KCNU1: variants seen among roughly 807,000 people sequenced by gnomAD.
The protein encoded by KCNU1 is potassium channel subfamily U member 1.
Under a neutral mutation model 126.8 loss-of-function variants are expected in KCNU1, and 93 were observed. The ratio of observed to expected loss-of-function variants is 0.73; its 90% CI spans 0.62 to 0.87. The LOEUF is 0.87. Ranked by LOEUF, KCNU1 falls within the 40% of genes least tolerant of loss-of-function variation. The pLI, the probability that KCNU1 is intolerant of heterozygous loss-of-function variation, is 0.00. For synonymous variants in KCNU1, 523 were observed against 494.2 expected, an observed-to-expected ratio of 1.06 and a Z score of -0.77; for missense variants, 1,330 against 1,367.1, an observed-to-expected ratio of 0.97 and a Z score of 0.43.
chr8:36,842,971 A>G (rs973661579), intron 16 of KCNU1, among the ~76,000 whole-genome samples: 7 of 152,144 alleles, frequency 4.6e-5, no homozygotes, highest in Admixed American at 3.3e-4. Flanking sequence ...GCCTGTTTGC[A>G]TAAGTTTTAA....
chr8:36,850,887 A>T (rs1805318825), intron 18 of KCNU1, among the ~76,000 whole-genome samples: 1 of 152,162 alleles, frequency 6.6e-6, no homozygotes, highest in Non-Finnish European at 1.5e-5. Flanking sequence ...AAAACAATTG[A>T]CTTTAAATAT....
At chr8:36,869,275 A>G (rs1394079545) in intron 19 of KCNU1, among the ~76,000 whole-genome samples, 1 of 152,130 alleles carries the variant, frequency 6.6e-6, no homozygotes, top group Non-Finnish European at 1.5e-5. Context: ...CCAGGAGAGG[A>G]AAACGTTTTT....
In KCNU1 at chr8:36,864,428, A is replaced by C; in HGVS notation, c.1916A>C (p.Lys639Thr). 3.1e-6 allele frequency: 5 copies of C among 1,610,788 alleles called. No individual in the cohort carries two copies. Among genetic ancestry groups the C allele is most frequent in the Non-Finnish European group, 3.4e-6 (4 of 1,177,186 alleles). ...GTGCCATCGGTAAAGAGAATGAAAA[A>C]ATGTCTGAAGGGAATCTCCTCTCGT... ...ITVPSVKRMKKCLKGISSRIS... is the reference protein window; with the variant it reads ...ITVPSVKRMKTCLKGISSRIS... The change falls in exon 19 of 27, where the codon AAA (lysine) becomes ACA (threonine). Residue 639 changes from lysine (K) to threonine (T), a missense_variant. By Grantham distance (78) the Lys-to-Thr change is moderately conservative. This residue lies in a region of KCNU1 where 1,054 missense variants were observed against 1,053.9 expected (regional missense o/e 1.00). Transcript: ENST00000399881.
At chr8:36,925,793 C>T (rs896730587) in intron 24 of KCNU1, among the ~76,000 whole-genome samples, 2 of 152,166 alleles carry the variant, frequency 1.3e-5, no homozygotes, top group Non-Finnish European at 2.9e-5. Flanking sequence ...GTCACTACCG[C>T]AGCTCCTGAA....
At chr8:36,928,096 C>A (rs1186472163) in intron 24 of KCNU1, among the ~76,000 whole-genome samples, 1 of 151,890 alleles carries the variant, frequency 6.6e-6, no homozygotes, top group Non-Finnish European at 1.5e-5. Context: ...TGGCAGAGAA[C>A]CCCAAATAGT....
At chr8:36,810,568 T>C (rs1473054160) in intron 7 of KCNU1, among the ~76,000 whole-genome samples, 2 of 152,214 alleles carry the variant, frequency 1.3e-5, no homozygotes, top group Non-Finnish European at 2.9e-5. Flanking sequence ...TAGCAGATTT[T>C]ATTGAGGGGA....
chr8:36,932,583 A>G (rs1026244804), intron 25 of KCNU1, among the ~76,000 whole-genome samples: 4 of 152,054 alleles, frequency 2.6e-5, no homozygotes, highest in African/African-American at 9.7e-5. Flanking sequence ...CTCATTATAT[A>G]TCTCAAAAGC....
chr8:36,862,803 T>A (rs1244264818), intron 18 of KCNU1, among the ~76,000 whole-genome samples: 4 of 152,118 alleles, frequency 2.6e-5, no homozygotes, highest in Non-Finnish European at 2.9e-5. Flanking sequence ...AGGAGAGACG[T>A]CCTAAAAGTT....
At chr8:36,923,300 G>A (rs1312308435) in intron 24 of KCNU1, among the ~76,000 whole-genome samples, 1 of 152,126 alleles carries the variant, frequency 6.6e-6, no homozygotes, top group Non-Finnish European at 1.5e-5. Context: ...ATCCACATGG[G>A]GCCTGCTGAG....
intron 2 of KCNU1, among the ~76,000 whole-genome samples, chr8:36,797,218 G>A (rs1287737773): frequency 1.3e-5 from 2 of 152,144 alleles, no homozygotes; most frequent in South Asian, 2.1e-4. Context: ...ACCCATTAGA[G>A]TGTTGCAAGG....
At chr8:36,899,327 C>T (rs1285319850) in intron 19 of KCNU1, among the ~76,000 whole-genome samples, 1 of 151,862 alleles carries the variant, frequency 6.6e-6, no homozygotes, top group East Asian at 1.9e-4. Flanking sequence ...AGATTGTAAA[C>T]ATTGAAAACA....
chr8:36,902,541 C>T (rs1296283849), intron 19 of KCNU1, among the ~76,000 whole-genome samples: 1 of 152,100 alleles, frequency 6.6e-6, no homozygotes, highest in Non-Finnish European at 1.5e-5. Flanking sequence ...TAAAAGGTAA[C>T]ATAGCTATTT....
At chr8:36,788,089 CTT>C (rs1478536797) in intron 2 of KCNU1, among the ~76,000 whole-genome samples, 1 of 151,932 alleles carries the variant, frequency 6.6e-6, no homozygotes, top group African/African-American at 2.4e-5. Flanking sequence ...TCAATAGACT[CTT>C]TATTTCATTA....
At chr8:36,930,004 A>G (rs1431550071) in intron 24 of KCNU1, among the ~76,000 whole-genome samples, 1 of 152,168 alleles carries the variant, frequency 6.6e-6, no homozygotes, top group East Asian at 1.9e-4. Flanking sequence ...GAGAAAATAA[A>G]TGGCAAATGA....
chr8:36,803,150 T>C (rs1585391236), intron 2 of KCNU1, among the ~76,000 whole-genome samples: 1 of 152,306 alleles, frequency 6.6e-6, no homozygotes. Flanking sequence ...CAGCAGAATC[T>C]AGGAATAAAA....
At chr8:36,916,707 C>G (rs1476878936) in intron 22 of KCNU1, among the ~76,000 whole-genome samples, 1 of 152,186 alleles carries the variant, frequency 6.6e-6, no homozygotes. Flanking sequence ...CTGTGCGAAT[C>G]CAGTTAGCCC....
intron 22 of KCNU1, among the ~76,000 whole-genome samples, chr8:36,918,132 A>G (rs541815153): frequency 6.6e-6 from 1 of 152,336 alleles, no homozygotes; most frequent in East Asian, 1.9e-4. Context: ...GCCTGACTGA[A>G]TTGTTACCTA....
chr8:36,827,783 A>G (rs142442016), intron 10 of KCNU1, among the ~76,000 whole-genome samples: 4 of 152,270 alleles, frequency 2.6e-5, no homozygotes, highest in African/African-American at 9.6e-5. Context: ...GGGAAGTTTC[A>G]CTCATAAGGA....
At position 36,845,618 on chromosome 8, in the gene KCNU1, G is replaced by A. The variant is rs561683935; in HGVS notation, c.1742G>A (p.Arg581His). Residue 581 changes from arginine to histidine, a missense_variant, in exon 17 of 27, where the codon CGT becomes CAT. Arg to His is a conservative substitution (Grantham distance 29, BLOSUM62 0). Transcript: ENST00000399881. The part of the protein sequence containing the change: ...ILNPPPQVRI[R>H]KNTLGFFIAE... ...AATCCACCTCCACAAGTGAGGATACGTAAGAACACATTAGGGTTCTTTATT... is the reference window on the plus strand; with the variant it reads ...AATCCACCTCCACAAGTGAGGATACATAAGAACACATTAGGGTTCTTTATT... The A allele has an allele frequency of 5.6e-6, 9 of 1,610,342 alleles. No individual in the cohort carries two copies. The highest frequency in any genetic ancestry group is 1.7e-5 in the Admixed American group (1 of 59,994).
Sources: gnomAD v4.1 joint callset for allele counts (sites outside exome capture counted in the v4.1 genomes callset) on GRCh38, gnomAD v4.1.1 for gene constraint, gnomAD v4.1.1 regional missense constraint, MANE v1.5 for transcripts, NCBI Gene and HGNC (gene_info 2026-07-23, HGNC 2026-07-21) for gene names.